The following C4orf51 variants were observed in gnomAD, a reference collection of about 807,000 sequenced individuals.
C4orf51 encodes chromosome 4 open reading frame 51.
A neutral mutation model predicts 25.2 loss-of-function variants in C4orf51; 25 were observed. The ratio of observed to expected loss-of-function variants is 0.99; its 90% CI spans 0.72 to 1.39. The LOEUF is 1.39. Among genes scored for constraint, C4orf51 ranks in the 40% most tolerant of loss-of-function variants. The pLI, the probability that C4orf51 is intolerant of heterozygous loss-of-function variation, is 0.00. For synonymous variants in C4orf51, 100 were observed against 84.5 expected (o/e 1.18, Z -1.01); for missense variants, 252 against 239.6 (o/e 1.05, Z -0.34).
At chr4:145,770,698 T>C (rs1040051627) in intron 1 of C4orf51, among the ~76,000 whole-genome samples, 1 of 152,186 alleles carries the variant, frequency 6.6e-6, no homozygotes, top group Non-Finnish European at 1.5e-5. Context: ...ATTTGCATTG[T>C]TTTAAATGAT....
intron 2 of C4orf51, among the ~76,000 whole-genome samples, chr4:145,697,518 T>G (rs1043502914): frequency 3.3e-5 from 5 of 152,242 alleles, no homozygotes; most frequent in Non-Finnish European, 7.3e-5. Context: ...AATTCCCCAT[T>G]TATCTTACCT....
chr4:145,781,338 C>T, the C4orf51 span, among the ~76,000 whole-genome samples: 1 of 151,638 alleles, frequency 6.6e-6, no homozygotes, highest in South Asian at 2.1e-4. Context: ...AGGCTTCCAC[C>T]TGTATGTGGC....
chr4:145,752,982 G>A (rs1733754572), intron 1 of C4orf51, among the ~76,000 whole-genome samples: 1 of 152,194 alleles, frequency 6.6e-6, no homozygotes, highest in Non-Finnish European at 1.5e-5. Flanking sequence ...CAAGTACACA[G>A]ATCCTGCGTG....
intron 1 of C4orf51, among the ~76,000 whole-genome samples, chr4:145,741,098 G>T (rs893073343): frequency 6.6e-6 from 1 of 152,120 alleles, no homozygotes; most frequent in African/African-American, 2.4e-5. Flanking sequence ...GTTTGTCAGG[G>T]TAACAGAGAC....
intron 3 of C4orf51, among the ~76,000 whole-genome samples, chr4:145,727,914 TA>T (rs1478537354): frequency 9.2e-6 from 1 of 108,852 alleles, no homozygotes; most frequent in Non-Finnish European, 1.7e-5. Flanking sequence ...TATATATATA[TA>T]TATATATAAA....
chr4:145,771,155 T>C (rs1736221316), downstream of C4orf51: 1 of 152,240 alleles, frequency 6.6e-6, no homozygotes, highest in Non-Finnish European at 1.5e-5. Flanking sequence ...CTCTATGTAG[T>C]AAATATATTA....
In C4orf51 at chr4:145,723,123, CTTCCATGT is replaced by C. The variant is rs1294937129; in HGVS notation, c.308-3781_308-3774del. On this transcript the variant is annotated intron_variant, in intron 2 of 5. Coordinates refer to ENST00000438731, the MANE Select transcript of C4orf51 (RefSeq NM_001080531.3). The stretch of plus-strand genomic sequence containing the variant: ...ATCACCCCTGCCCCTGCCCACCCAC[CTTCCATGT>C]TTCCATTGTCTTCCCTGAAACTGGT... Among the ~76,000 whole-genome samples the C allele has an allele frequency of 6.2e-4, 94 of 152,294 alleles. 1 individual carries two copies. Among genetic ancestry groups the C allele is most frequent in the Admixed American group, 6.1e-3 (93 of 15,304 alleles).
At chr4:145,685,069 A>C (rs1392993870) in intron 1 of C4orf51, among the ~76,000 whole-genome samples, 1 of 152,194 alleles carries the variant, frequency 6.6e-6, no homozygotes, top group Non-Finnish European at 1.5e-5. Context: ...AAGGCAAACC[A>C]AGTTTGAACA....
At chr4:145,785,438 T>C in the C4orf51 span, among the ~76,000 whole-genome samples, 4 of 152,166 alleles carry the variant, frequency 2.6e-5, no homozygotes, top group Non-Finnish European at 5.9e-5. Context: ...AATACATTAT[T>C]ATCAAGTAGA....
In C4orf51 at chr4:145,761,124, G is replaced by A; in HGVS notation, n.167-9864G>A. 2 of 1,289,632 alleles carry A rather than the reference G, an allele frequency of 1.6e-6. No individual in the cohort carries two copies. The highest frequency in any genetic ancestry group is 2.0e-6 in the Non-Finnish European group (2 of 988,718). The allele number at this position is 1,289,632 out of a possible 1,614,324, so 79.9% of individuals were successfully genotyped here. ...GGGAGCTCCCGACCACCAGGAGCGG[G>A]GCCCCCGGGCCGGCCGGTTCCTTGG... is the stretch of plus-strand genomic sequence containing the variant. On this transcript the variant is annotated intron_variant and non_coding_transcript_variant, in intron 1 of 1. Coordinates refer to the C4orf51 transcript ENST00000510096. The surrounding 1 kb of genome is among the most constrained non-coding windows in gnomAD (Gnocchi z 6.8).
intron 2 of C4orf51, among the ~76,000 whole-genome samples, chr4:145,726,617 C>T (rs1047272850): frequency 1.3e-5 from 2 of 152,052 alleles, no homozygotes; most frequent in African/African-American, 2.4e-5. Flanking sequence ...ATGTTGCCAA[C>T]GCTGGTCTTG....
At chr4:145,718,305 T>C (rs538125835) in intron 2 of C4orf51, among the ~76,000 whole-genome samples, 1 of 152,304 alleles carries the variant, frequency 6.6e-6, no homozygotes, top group South Asian at 2.1e-4. Context: ...AAACTTCAAG[T>C]CTCCAAATCA....
At chr4:145,757,226 T>C (rs1409803131), downstream of C4orf51, among the ~76,000 whole-genome samples, 1 of 152,226 alleles carries the variant, frequency 6.6e-6, no homozygotes, top group Non-Finnish European at 1.5e-5. Context: ...CTCATTAAAA[T>C]CTCATAGTTG....
intron 1 of C4orf51, among the ~76,000 whole-genome samples, chr4:145,692,559 A>G (rs1729655860): frequency 6.6e-6 from 1 of 152,224 alleles, no homozygotes; most frequent in South Asian, 2.1e-4. Context: ...TGCTGCTGTC[A>G]TTAGGAGAAG....
intron 2 of C4orf51, among the ~76,000 whole-genome samples, chr4:145,706,507 T>A (rs1432121692): frequency 6.6e-6 from 1 of 152,216 alleles, no homozygotes; most frequent in African/African-American, 2.4e-5. Flanking sequence ...AGCCAAGGTA[T>A]GAGGGCAGTT....
the C4orf51 span, among the ~76,000 whole-genome samples, chr4:145,783,613 A>G: frequency 6.6e-6 from 1 of 152,246 alleles, no homozygotes; most frequent in Non-Finnish European, 1.5e-5. Context: ...TTCTCCAGCC[A>G]TGGAAGCGGC....
chr4:145,738,436 C>T (rs1043888594), intron 1 of C4orf51, among the ~76,000 whole-genome samples: 2 of 140,836 alleles, frequency 1.4e-5, no homozygotes, highest in Admixed American at 7.4e-5. Flanking sequence ...GGCGACAGAG[C>T]GAGACTCTAT....
chr4:145,767,554 C>CA (rs947478949), intron 1 of C4orf51, among the ~76,000 whole-genome samples: 23 of 151,794 alleles, frequency 1.5e-4, no homozygotes, highest in South Asian at 6.2e-4. Context: ...GAAACCTATA[C>CA]AAAAAAAATC....
At chr4:145,694,940 G>A (rs1480267561) in intron 1 of C4orf51, among the ~76,000 whole-genome samples, 4 of 152,066 alleles carry the variant, frequency 2.6e-5, no homozygotes, top group Non-Finnish European at 4.4e-5. Context: ...ACAAATTAGA[G>A]AACAAACAAA....
Sources: gnomAD v4.1 joint callset for allele counts (sites outside exome capture counted in the v4.1 genomes callset) on GRCh38, gnomAD v4.1.1 for gene constraint, Gnocchi (gnomAD v3.1) non-coding constraint, MANE v1.5 for transcripts, NCBI Gene and HGNC (gene_info 2026-07-23, HGNC 2026-07-21) for gene names.